Variants in AP3D1 observed in about 807,000 individuals in gnomAD.
AP3D1 encodes AP-3 complex subunit delta-1.
AP3D1 carries 51 observed loss-of-function variants against 147.6 expected under a neutral mutation model. That is an observed-to-expected ratio of 0.35 (90% CI 0.28 to 0.44). The LOEUF is 0.44. AP3D1 is among the 20% of genes least tolerant of loss of function. The pLI is 1.00. For synonymous variants in AP3D1, 760 were observed against 663.0 expected, an observed-to-expected ratio of 1.15 and a Z score of -2.25; for missense variants, 1,421 against 1,624.2, an observed-to-expected ratio of 0.87 and a Z score of 2.15.
chr19:2,130,164 C>A (rs2018897772), intron 6 of AP3D1, among the ~76,000 whole-genome samples: 1 of 152,184 alleles, frequency 6.6e-6, no homozygotes, highest in African/African-American at 2.4e-5. Flanking sequence ...GGTGGGTACA[C>A]CTCTGCTCAG....
At chr19:2,121,966 C>T in intron 11 of AP3D1, 87 bp from the exon 12 acceptor site, 1 of 1,460,450 alleles carries the variant, frequency 6.8e-7, no homozygotes, top group South Asian at 1.4e-5. Flanking sequence ...GGCCGGGTCT[C>T]CACCTCGGGA....
intron 26 of AP3D1, 75 bp from the exon 27 acceptor site, chr19:2,110,971 T>C: frequency 1.3e-6 from 2 of 1,498,506 alleles, no homozygotes; most frequent in East Asian, 2.3e-5. Context: ...TGTCTCTTAA[T>C]GACCACAGAG....
At chr19:2,151,108 A>G in intron 1 of AP3D1, 131 bp downstream of exon 1, 1 of 804,758 alleles carries the variant, frequency 1.2e-6, no homozygotes, top group Non-Finnish European at 1.9e-6. Flanking sequence ...GCAGGGCCGG[A>G]GCCCTAAGCG....
chr19:2,109,369 G>A (rs1477579861), intron 29 of AP3D1, 162 bp from the exon 30 acceptor site: 3 of 950,028 alleles, frequency 3.2e-6, no homozygotes, highest in Admixed American at 2.9e-5. Context: ...TCATTTTCAT[G>A]TGCGGAAGCC....
At chr19:2,164,222 T>C (rs2144620300) in intron 1 of AP3D1, 8 of 1,276,966 alleles carry the variant, frequency 6.3e-6, no homozygotes, top group Non-Finnish European at 6.9e-6. Context: ...AAGTCGCCCG[T>C]GGGGGCTGAG....
intron 4 of AP3D1, among the ~76,000 whole-genome samples, chr19:2,134,444 AT>A (rs1356078685): frequency 6.6e-6 from 1 of 151,060 alleles, no homozygotes; most frequent in African/African-American, 2.4e-5. Flanking sequence ...TAAGAAAATA[AT>A]TTTTTTTAGG....
At chr19:2,152,118 T>A (rs1426060312), upstream of AP3D1, among the ~76,000 whole-genome samples, 3 of 152,190 alleles carry the variant, frequency 2.0e-5, no homozygotes, top group Non-Finnish European at 4.4e-5. Context: ...ACATTGTCAT[T>A]CATTCAGTAA....
chr19:2,124,084 G>A (rs2018686034), intron 9 of AP3D1, among the ~76,000 whole-genome samples: 2 of 152,200 alleles, frequency 1.3e-5, no homozygotes, highest in Non-Finnish European at 2.9e-5. Flanking sequence ...AACCTGCAGG[G>A]GCCCCCACCC....
chr19:2,162,256 T>C (rs2019716748), intron 1 of AP3D1, among the ~76,000 whole-genome samples: 9 of 150,028 alleles, frequency 6.0e-5, no homozygotes, highest in Admixed American at 5.9e-4. Flanking sequence ...CAGGATGGTC[T>C]CGATCTCCTG....
chr19:2,158,270 A>G (rs1331695927), intron 1 of AP3D1, among the ~76,000 whole-genome samples: 1 of 151,464 alleles, frequency 6.6e-6, no homozygotes, highest in Non-Finnish European at 1.5e-5. Context: ...ATTAGCCAGG[A>G]TGGTCTCGAT....
At chr19:2,159,222 T>TC (rs1489881127) in intron 1 of AP3D1, among the ~76,000 whole-genome samples, 272 of 141,434 alleles carry the variant, frequency 1.9e-3, no homozygotes, top group African/African-American at 6.1e-3. Flanking sequence ...TCTCTCTCTC[T>TC]TTTTTTTTTT....
intron 1 of AP3D1, among the ~76,000 whole-genome samples, chr19:2,139,743 C>T (rs1364395419): frequency 6.6e-6 from 1 of 152,228 alleles, no homozygotes; most frequent in African/African-American, 2.4e-5. Context: ...GCCCGGGCCC[C>T]GTCCTGCCAG....
intron 1 of AP3D1, among the ~76,000 whole-genome samples, chr19:2,141,866 GAGTAC>G (rs1485694890): frequency 6.6e-6 from 1 of 151,430 alleles, no homozygotes; most frequent in Non-Finnish European, 1.5e-5. Context: ...CAGTATTTGG[GAGTAC>G]AGTAAATAGC....
exon 1 of AP3D1, chr19:2,164,417 C>T (rs2144621981): frequency 8.3e-6 from 4 of 482,212 alleles, no homozygotes; most frequent in Middle Eastern, 1.3e-3. Flanking sequence ...CCCGTTGCTT[C>T]CCGGCCGAGG....
At chr19:2,141,131 T>C (rs1003190843) in intron 1 of AP3D1, among the ~76,000 whole-genome samples, 3 of 152,144 alleles carry the variant, frequency 2.0e-5, no homozygotes, top group African/African-American at 4.8e-5. Context: ...ATTATAAACA[T>C]AGATGTAAAT....
rs779168174 is a variant in AP3D1, at chr19:2,111,309, G to A, written c.2961C>T (p.Leu987=). The A allele has an allele frequency of 1.2e-4, 186 of 1,613,940 alleles. No individual in the cohort carries two copies. Among genetic ancestry groups the A allele is most frequent in the Non-Finnish European group, 1.5e-4 (178 of 1,180,006 alleles). ...QLPPESSYSL[L]AENSYVKMTC... The stretch of plus-strand genomic sequence containing the variant: ...CCATTTTAACATAGGAATTTTCAGC[G>A]AGGAGGGAGTAGCTGGACTCAGGCT... The change falls in exon 26 of 32, where the codon CTC becomes CTT. Residue 987 remains leucine (L), a synonymous_variant. Coordinates refer to ENST00000643116, the MANE Select transcript of AP3D1 (RefSeq NM_001261826.3).
intron 1 of AP3D1, among the ~76,000 whole-genome samples, chr19:2,139,960 G>A (rs572600883): frequency 1.3e-5 from 2 of 152,280 alleles, no homozygotes; most frequent in Admixed American, 6.5e-5. Flanking sequence ...ACAGCTGTGG[G>A]GGAGTGGGGG....
In AP3D1 at chr19:2,138,721, TGGG is replaced by T; in HGVS notation, c.97-10_97-8del. On this transcript the variant is annotated splice_region_variant and splice_polypyrimidine_tract_variant and intron_variant, in intron 1 of 31. Coordinates refer to ENST00000643116, the MANE Select transcript of AP3D1 (RefSeq NM_001261826.3). ...ACTGAGATATGTATTTTGCCTATAA[TGGG>T]GGATAAACACAGAGATTACAAACAT... The T allele has an allele frequency of 6.3e-7, 1 of 1,598,506 alleles. No homozygotes were observed. The highest frequency in any genetic ancestry group is 8.6e-7 in the Non-Finnish European group (1 of 1,167,780).
In AP3D1 at chr19:2,113,980, TCC is replaced by T. The variant is rs1363652139; in HGVS notation, c.2601+143_2601+144del. 1.8e-5 allele frequency: 25 copies of T among 1,398,260 alleles called. No homozygotes were observed. In the East Asian group the frequency reaches 5.8e-4, roughly 32 times the overall value. The allele number at this position is 1,398,260 out of a possible 1,614,324, so 86.6% of individuals were successfully genotyped here. ...CCCCTCAGAAGCCACATGTCCTCACTCCGCCGGGGCACAGGGCGAGGCGGCTG... is the reference window on the plus strand; with the variant it reads ...CCCCTCAGAAGCCACATGTCCTCACTGCCGGGGCACAGGGCGAGGCGGCTG... On this transcript the variant is annotated intron_variant, in intron 22 of 31. Transcript: ENST00000643116.
Sources: gnomAD v4.1 joint callset for allele counts (sites outside exome capture counted in the v4.1 genomes callset) on GRCh38, gnomAD v4.1.1 for gene constraint, MANE v1.5 for transcripts, NCBI Gene and HGNC (gene_info 2026-07-23, HGNC 2026-07-21) for gene names.